The following TOM1 variants were observed in gnomAD, a reference collection of about 807,000 sequenced individuals.
The protein encoded by TOM1 is target of myb1 membrane trafficking protein.
Under a neutral mutation model 61.3 loss-of-function variants are expected in TOM1, and 38 were observed. The ratio of observed to expected loss-of-function variants is 0.62; its 90% CI spans 0.48 to 0.81. The LOEUF is 0.81. Among genes scored for constraint, TOM1 ranks in the 40% least tolerant of loss-of-function variants. The pLI is 0.00. For missense variants in TOM1, 591 were observed against 659.6 expected, an observed-to-expected ratio of 0.90 and a Z score of 1.14; for synonymous variants, 270 against 268.8, an observed-to-expected ratio of 1.00 and a Z score of -0.04.
At position 35,301,283 on chromosome 22, in the gene TOM1, CATACAA is replaced by C. The variant is rs199571609; in HGVS notation, c.52+1305_52+1310del. Among the ~76,000 whole-genome samples the C allele has an allele frequency of 7.7e-3, 1,149 of 148,484 alleles. 13 individuals are homozygous for C. The highest frequency in any genetic ancestry group is 0.027 in the African/African-American group (1,108 of 40,944). On this transcript the variant is annotated intron_variant, in intron 1 of 14. Transcript: ENST00000449058. ...GCACACATATATATAAAAATATACA[CATACAA>C]ACATACATATACATACACATACATA...
chr22:35,329,032 C>T (rs376546070), intron 7 of TOM1, among the ~76,000 whole-genome samples: 13 of 152,240 alleles, frequency 8.5e-5, no homozygotes, highest in African/African-American at 2.4e-4. Context: ...CTCGGCTCAC[C>T]GCAGCCTCTG....
intron 1 of TOM1, among the ~76,000 whole-genome samples, chr22:35,307,847 G>A (rs930472756): frequency 6.6e-6 from 1 of 152,204 alleles, no homozygotes; most frequent in African/African-American, 2.4e-5. Context: ...TATAAACCCT[G>A]TAGTGGTTAA....
chr22:35,325,246 C>T (rs1928209190), intron 6 of TOM1, among the ~76,000 whole-genome samples: 1 of 152,232 alleles, frequency 6.6e-6, no homozygotes, highest in African/African-American at 2.4e-5. Flanking sequence ...AAAAGTGAAG[C>T]TTAACTTTCC....
At position 35,326,668 on chromosome 22, in the gene TOM1, G is replaced by A. The variant is rs141518158; in HGVS notation, c.649-603G>A. On this transcript the variant is annotated intron_variant, in intron 6 of 14. Coordinates refer to ENST00000449058, the MANE Select transcript of TOM1 (RefSeq NM_005488.3). The stretch of plus-strand genomic sequence containing the variant: ...GGAGGAGAGAGAGGGTGGAATCCCA[G>A]TCCTCTAGGAGGAGAGAGAGAGGAC... Among the ~76,000 whole-genome samples, 15 of 152,320 alleles carry A rather than the reference G, an allele frequency of 9.8e-5. No individual in the cohort carries two copies. The East Asian group carries it at 2.9e-3, about 29-fold the overall frequency.
chr22:35,312,047 G>A (rs894339450), intron 1 of TOM1, among the ~76,000 whole-genome samples: 1 of 152,098 alleles, frequency 6.6e-6, no homozygotes, highest in Non-Finnish European at 1.5e-5. Flanking sequence ...AAGGTCAGGA[G>A]TTCAAGACCA....
chr22:35,308,199 C>T (rs80332714), intron 1 of TOM1, among the ~76,000 whole-genome samples: 3,326 of 152,106 alleles, frequency 0.022, 126 homozygotes, highest in African/African-American at 0.075. Flanking sequence ...ATTCCTTAAG[C>T]GCTCGCTCTT....
chr22:35,300,323 C>A (rs1925631235), intron 1 of TOM1, among the ~76,000 whole-genome samples: 1 of 152,238 alleles, frequency 6.6e-6, no homozygotes, highest in South Asian at 2.1e-4. Flanking sequence ...AGTGGCTGGG[C>A]CACTCTGCTG....
intron 11 of TOM1, among the ~76,000 whole-genome samples, chr22:35,336,057 A>C (rs1447812503): frequency 6.6e-6 from 1 of 152,154 alleles, no homozygotes; most frequent in African/African-American, 2.4e-5. Flanking sequence ...TTATTCTAAC[A>C]TGAGCAGGAG....
At position 35,317,914 on chromosome 22, in the gene TOM1, G is replaced by A. The variant is rs1927443619; in HGVS notation, c.90G>A (p.Trp30Ter). 6.2e-7 allele frequency: 1 copy of A among 1,614,002 alleles called. No individual in the cohort carries two copies. Among genetic ancestry groups the A allele is most frequent in the Non-Finnish European group, 8.5e-7 (1 of 1,180,018 alleles). Reference sequence around the variant, plus strand: ...ATGGCTCCCTGCAGAGCGAGGACTGGGCCCTCAACATGGAGATCTGCGACA... The same window carrying A: ...ATGGCTCCCTGCAGAGCGAGGACTGAGCCCTCAACATGGAGATCTGCGACA... ...ATDGSLQSED[W>*]ALNMEICDII... is the part of the protein sequence containing the mutation. Residue 30 changes from tryptophan to a stop codon, truncating the protein, a stop_gained, in exon 2 of 15, where the codon TGG becomes TGA. Coordinates refer to ENST00000449058, the MANE Select transcript of TOM1 (RefSeq NM_005488.3). LOFTEE classifies it high-confidence loss of function.
intron 1 of TOM1, 23 bp downstream of exon 1, chr22:35,300,003 AGCTCCGCCCCGGT>A (rs780935006): frequency 8.1e-5 from 126 of 1,558,826 alleles, no homozygotes; most frequent in South Asian, 6.4e-4. Flanking sequence ...AGCCCCCCAC[AGCTCCGCCCCGGT>A]GCTCCGCACC....
chr22:35,335,599 T>C (rs182016098), intron 11 of TOM1: 1 of 154,462 alleles, frequency 6.5e-6, no homozygotes, highest in East Asian at 1.9e-4. Context: ...CTGGCCATAC[T>C]GGAGAACCCT....
At chr22:35,305,363 G>A (rs1277500110) in intron 1 of TOM1, among the ~76,000 whole-genome samples, 1 of 152,164 alleles carries the variant, frequency 6.6e-6, no homozygotes, top group Admixed American at 6.5e-5. Context: ...CCAGAGGGAA[G>A]AAAGAAACTG....
chr22:35,322,679 C>T (rs574302602), intron 3 of TOM1: 13 of 239,990 alleles, frequency 5.4e-5, no homozygotes, highest in Middle Eastern at 1.3e-3. Flanking sequence ...GCTCACCAGT[C>T]GATTGACATC....
intron 1 of TOM1, among the ~76,000 whole-genome samples, chr22:35,305,706 G>A (rs1601662387): frequency 6.6e-6 from 1 of 151,356 alleles, no homozygotes; most frequent in East Asian, 1.9e-4. Flanking sequence ...TGATAGAACT[G>A]AATGTGCAGG....
intron 1 of TOM1, among the ~76,000 whole-genome samples, chr22:35,305,493 C>T (rs536082752): frequency 1.3e-5 from 2 of 152,222 alleles, no homozygotes; most frequent in African/African-American, 4.8e-5. Flanking sequence ...AACCCTGTCT[C>T]TACTAAAAAT....
At chr22:35,344,749 T>G (rs1930359511) in intron 12 of TOM1, 1 of 152,220 alleles carries the variant, frequency 6.6e-6, no homozygotes, top group Admixed American at 6.5e-5. Context: ...TAACTAGTGC[T>G]ATTAGTGCCA....
At chr22:35,316,200 C>A (rs911488705) in intron 1 of TOM1, among the ~76,000 whole-genome samples, 9 of 152,212 alleles carry the variant, frequency 5.9e-5, no homozygotes, top group African/African-American at 2.2e-4. Flanking sequence ...GGGGAGGGAA[C>A]CTTGGGTAGT....
Position 35,322,039 on chromosome 22 carries a change from T to C in TOM1, c.216+2T>C. 1 of 1,613,912 alleles carries C rather than the reference T, an allele frequency of 6.2e-7. No homozygotes were observed. The highest frequency in any genetic ancestry group is 8.5e-7 in the Non-Finnish European group (1 of 1,179,840). ...CACGAGGTGATGCTGGCTCTCACAG[T>C]GAGTGCCCCATCTGTCTGTCCTGTG... On this transcript the variant is annotated splice_donor_variant, in intron 3 of 14. Coordinates refer to ENST00000449058, the MANE Select transcript of TOM1 (RefSeq NM_005488.3). LOFTEE classifies it high-confidence loss of function.
rs761800192 is a variant in TOM1 at position 35,338,749 on chromosome 22, G to A, written c.1185G>A (p.Leu395=). The A allele has an allele frequency of 2.5e-6, 4 of 1,601,030 alleles. No individual in the cohort carries two copies. The South Asian group carries it at 3.4e-5, about 14-fold the overall frequency. Residue 395 remains leucine (L), a synonymous_variant, in exon 12 of 15, where the codon CTG becomes CTA. Transcript: ENST00000449058. ...KYEAPQATDG[L]AGALDARQQS... Reference sequence around the variant, plus strand: ...AAGCCCCCCAAGCAACAGACGGCCTGGCTGGAGCCCTGGACGCCCGGCAGC... The same window carrying A: ...AAGCCCCCCAAGCAACAGACGGCCTAGCTGGAGCCCTGGACGCCCGGCAGC...
Sources: gnomAD v4.1 joint callset for allele counts (sites outside exome capture counted in the v4.1 genomes callset) on GRCh38, gnomAD v4.1.1 for gene constraint, MANE v1.5 for transcripts, NCBI Gene and HGNC (gene_info 2026-07-23, HGNC 2026-07-21) for gene names.